Variants in ABCC4 observed in about 807,000 individuals in gnomAD.
The protein encoded by ABCC4 is ATP-binding cassette sub-family C member 4.
In ABCC4, 102 loss-of-function variants were observed where a neutral mutation model predicts 168.5. The ratio of observed to expected loss-of-function variants is 0.61; its 90% confidence interval spans 0.52 to 0.71. The LOEUF is 0.71. Among genes scored for constraint, ABCC4 ranks in the 30% least tolerant of loss-of-function variants. The pLI is 0.00. For missense variants in ABCC4, 1,402 were observed against 1,605.8 expected (o/e 0.87, Z 2.17); for synonymous variants, 617 against 590.7 (o/e 1.04, Z -0.65).
At chr13:95,105,769 A>G (rs774182990) in intron 20 of ABCC4, among the ~76,000 whole-genome samples, 10 of 152,144 alleles carry the variant, frequency 6.6e-5, no homozygotes, top group Non-Finnish European at 1.3e-4. Flanking sequence ...CATAGCTTGG[A>G]ATGGAGTGAT....
Position 95,104,125 on chromosome 13 carries a change from G to T in ABCC4, c.2535+11797C>A, listed in dbSNP as rs543617230. Among the ~76,000 whole-genome samples, 31 of 148,058 alleles carry T rather than the reference G, an allele frequency of 2.1e-4. 1 individual carries two copies. Among genetic ancestry groups the T allele is most frequent in the Middle Eastern group, 3.4e-3 (1 of 294 alleles). ...AGGTTTTTTTGGTTTGGGTTTTTTTGTTGTTGTTGTTGAGATGGAGTCTCT... is the reference window on the plus strand; with the variant it reads ...AGGTTTTTTTGGTTTGGGTTTTTTTTTTGTTGTTGTTGAGATGGAGTCTCT... On this transcript the variant is annotated intron_variant, in intron 20 of 30. Transcript: ENST00000645237.
intron 29 of ABCC4, among the ~76,000 whole-genome samples, chr13:95,038,990 G>C (rs2032245261): frequency 6.6e-6 from 1 of 152,142 alleles, no homozygotes; most frequent in South Asian, 2.1e-4. Context: ...GAGGGCAGAG[G>C]CTTGACTCAC....
intron 1 of ABCC4, among the ~76,000 whole-genome samples, chr13:95,252,677 A>T (rs920696671): frequency 6.6e-6 from 1 of 152,154 alleles, no homozygotes; most frequent in Non-Finnish European, 1.5e-5. Flanking sequence ...TGTCTCAAAA[A>T]CAAAACAAAC....
At chr13:95,075,725 A>T in intron 21 of ABCC4, 174 bp from the exon 22 acceptor site, 1 of 731,436 alleles carries the variant, frequency 1.4e-6, no homozygotes, top group East Asian at 2.8e-5. Context: ...CTGCCACTGG[A>T]ATCTCAAGCT....
chr13:95,071,805 C>T lies in ABCC4; in HGVS notation c.3067G>A (p.Ala1023Thr). ...VIEYTDLEKE[A>T]PWEYQKRPPP... ...GGGCGTTTCTGATATTCCCAAGGTG[C>T]TTCTTTTTCAAGGTCTGTGTATTCA... Residue 1023 changes from alanine (A) to threonine (T), a missense_variant, in exon 25 of 31, where the codon GCA becomes ACA. Transcript: ENST00000645237. The T allele has an allele frequency of 6.2e-7, 1 of 1,601,490 alleles. No individual in the cohort carries two copies. Among genetic ancestry groups the T allele is most frequent in the South Asian group, 1.1e-5 (1 of 88,200 alleles).
intron 11 of ABCC4, among the ~76,000 whole-genome samples, chr13:95,186,125 G>A (rs1260525477): frequency 6.6e-6 from 1 of 151,666 alleles, no homozygotes; most frequent in African/African-American, 2.4e-5. Context: ...TCTCTGCCTA[G>A]CCGGTTGATG....
chr13:95,139,542 G>T (rs2036248542), intron 19 of ABCC4, among the ~76,000 whole-genome samples: 1 of 152,170 alleles, frequency 6.6e-6, no homozygotes, highest in African/African-American at 2.4e-5. Flanking sequence ...CACAGCCCAT[G>T]CCCAATGGGG....
At chr13:95,146,600 G>A (rs114022368) in intron 19 of ABCC4, among the ~76,000 whole-genome samples, 1,975 of 152,222 alleles carry the variant, frequency 0.013, 42 homozygotes, top group African/African-American at 0.043. Context: ...CATCCCTGCG[G>A]TTGCCACATA....
intron 3 of ABCC4, 85 bp downstream of exon 3, chr13:95,246,890 C>G: frequency 2.0e-6 from 3 of 1,471,280 alleles, no homozygotes; most frequent in Non-Finnish European, 2.8e-6. Context: ...CTTCTGTTCC[C>G]CCATCCATTA....
At chr13:95,049,101 A>C (rs960025257) in intron 27 of ABCC4, among the ~76,000 whole-genome samples, 1 of 152,168 alleles carries the variant, frequency 6.6e-6, no homozygotes, top group South Asian at 2.1e-4. Context: ...TGGGAGGCCG[A>C]GACAGGCAGA....
chr13:95,220,019 C>G (rs906545822), intron 4 of ABCC4, among the ~76,000 whole-genome samples: 1 of 111,506 alleles, frequency 9.0e-6, no homozygotes, highest in Non-Finnish European at 2.0e-5. Context: ...TCATGCCTGG[C>G]TAATTTTTTT....
intron 19 of ABCC4, among the ~76,000 whole-genome samples, chr13:95,153,936 C>G (rs1462449986): frequency 3.9e-5 from 6 of 152,168 alleles, no homozygotes. Context: ...TAAAATATGA[C>G]TTCGTATCAC....
intron 1 of ABCC4, among the ~76,000 whole-genome samples, chr13:95,273,818 T>TTG (rs34258378): frequency 0.15 from 17,980 of 117,346 alleles, 1,514 homozygotes; most frequent in African/African-American, 0.24. Context: ...TTTGGTTTGT[T>TTG]TTTTTTTTTT....
intron 25 of ABCC4, 126 bp downstream of exon 25, chr13:95,071,536 G>T: frequency 2.5e-6 from 2 of 800,474 alleles, no homozygotes; most frequent in African/African-American, 1.8e-5. Flanking sequence ...ACATTCCATG[G>T]TTAGTTTCCA....
intron 3 of ABCC4, among the ~76,000 whole-genome samples, chr13:95,237,114 A>AC (rs983009365): frequency 2.6e-5 from 4 of 152,124 alleles, no homozygotes; most frequent in Non-Finnish European, 4.4e-5. Context: ...AAGAGGGATG[A>AC]CCCCCAGAGG....
At chr13:95,290,641 G>A (rs2041373317) in intron 1 of ABCC4, among the ~76,000 whole-genome samples, 1 of 145,978 alleles carries the variant, frequency 6.9e-6, no homozygotes, top group African/African-American at 2.5e-5. Context: ...GGAGGCAGAG[G>A]TTGCAGTTAG....
chr13:95,161,007 G>A (rs559572152), intron 19 of ABCC4, among the ~76,000 whole-genome samples, 182 bp downstream of exon 19: 36 of 37,400 alleles, frequency 9.6e-4, no homozygotes, highest in Middle Eastern at 0.014. Flanking sequence ...CCCTCCCCCC[G>A]CATATTTAGA....
At chr13:95,073,636 G>A (rs546035893) in intron 23 of ABCC4, 188 of 197,732 alleles carry the variant, frequency 9.5e-4, no homozygotes, top group Non-Finnish European at 1.4e-3. Flanking sequence ...CACTTTCTAC[G>A]TGCAATGCAA....
chr13:95,126,185 A>G (rs148060427), intron 19 of ABCC4, among the ~76,000 whole-genome samples: 1 of 152,300 alleles, frequency 6.6e-6, no homozygotes, highest in African/African-American at 2.4e-5. Flanking sequence ...TTACTGCTCC[A>G]GTATCCTGTC....
Sources: allele counts gnomAD v4.1 joint callset (sites outside exome capture counted in the v4.1 genomes callset), GRCh38; gene constraint gnomAD v4.1.1; transcripts MANE v1.5; gene names NCBI Gene and HGNC (gene_info 2026-07-23, HGNC 2026-07-21).